SUGCT: variants seen among roughly 807,000 people sequenced by gnomAD.
The protein encoded by SUGCT is succinyl-CoA:glutarate CoA-transferase.
In SUGCT, 41 loss-of-function variants were observed where a neutral mutation model predicts 55.0. The ratio of observed to expected loss-of-function variants is 0.74; its 90% CI spans 0.58 to 0.97. The LOEUF (loss-of-function observed/expected upper bound fraction) is 0.97. SUGCT is among the 50% of genes least tolerant of loss of function. The pLI is 0.00. For missense variants in SUGCT, 568 were observed against 547.8 expected (o/e 1.04, Z -0.37); for synonymous variants, 187 against 200.4 (o/e 0.93, Z 0.56).
At chr7:40,143,092 C>T (rs904056752) in intron 1 of SUGCT, among the ~76,000 whole-genome samples, 5 of 152,078 alleles carry the variant, frequency 3.3e-5, no homozygotes, top group South Asian at 2.1e-4. Context: ...TGCTTTATGA[C>T]GTCTGGTTTT....
the SUGCT span, among the ~76,000 whole-genome samples, chr7:41,011,188 GAGGA>G: frequency 6.6e-6 from 1 of 152,146 alleles, no homozygotes; most frequent in African/African-American, 2.4e-5. Flanking sequence ...TCCCTCTGGA[GAGGA>G]AGGAAGTCCA....
At chr7:40,858,028 C>G (rs1257127423) in intron 13 of SUGCT, among the ~76,000 whole-genome samples, 1 of 152,092 alleles carries the variant, frequency 6.6e-6, no homozygotes, top group Non-Finnish European at 1.5e-5. Context: ...AACCTTAATC[C>G]TAACTTTAAC....
intron 12 of SUGCT, among the ~76,000 whole-genome samples, chr7:40,708,187 C>T (rs576671532): frequency 1.5e-4 from 23 of 152,228 alleles, no homozygotes; most frequent in Admixed American, 1.4e-3. Context: ...TCAGTACTAA[C>T]GTCAACATTG....
intron 11 of SUGCT, among the ~76,000 whole-genome samples, chr7:40,466,816 T>G (rs1281454055): frequency 6.6e-6 from 1 of 152,212 alleles, no homozygotes; most frequent in Non-Finnish European, 1.5e-5. Context: ...AAGATCTGAA[T>G]TTGAGATCCT....
chr7:40,517,222 T>C (rs1321518930), intron 12 of SUGCT, among the ~76,000 whole-genome samples: 1 of 147,882 alleles, frequency 6.8e-6, no homozygotes, highest in Admixed American at 6.6e-5. Flanking sequence ...TTAGTTCCAG[T>C]AGCATTTTTT....
At chr7:40,709,364 T>C (rs1785585819) in intron 12 of SUGCT, among the ~76,000 whole-genome samples, 1 of 152,178 alleles carries the variant, frequency 6.6e-6, no homozygotes, top group African/African-American at 2.4e-5. Flanking sequence ...GTGCACAGGA[T>C]TTAATGAGGG....
At chr7:40,739,167 T>C (rs1477142968) in intron 12 of SUGCT, among the ~76,000 whole-genome samples, 2 of 152,154 alleles carry the variant, frequency 1.3e-5, no homozygotes, top group African/African-American at 4.8e-5. Context: ...GACATTGATA[T>C]AGTCAAGATA....
At chr7:40,704,525 A>G (rs1785308126) in intron 12 of SUGCT, among the ~76,000 whole-genome samples, 2 of 152,118 alleles carry the variant, frequency 1.3e-5, no homozygotes, top group Admixed American at 6.5e-5. Context: ...ACATAGCATA[A>G]CATGGATTAT....
chr7:40,691,560 G>A (rs1362619058), intron 12 of SUGCT, among the ~76,000 whole-genome samples: 2 of 152,104 alleles, frequency 1.3e-5, no homozygotes, highest in African/African-American at 4.8e-5. Context: ...GTTTAATGGA[G>A]CCAAACCAAG....
At chr7:40,306,437 T>C (rs992661720) in intron 8 of SUGCT, among the ~76,000 whole-genome samples, 2 of 152,186 alleles carry the variant, frequency 1.3e-5, no homozygotes, top group African/African-American at 2.4e-5. Flanking sequence ...TTCTGAGAGA[T>C]GAAACTGTTT....
chr7:40,480,628 ATTTC>A (rs1272160912), intron 11 of SUGCT, among the ~76,000 whole-genome samples: 1 of 152,074 alleles, frequency 6.6e-6, no homozygotes, highest in Non-Finnish European at 1.5e-5. Context: ...TATTGATATT[ATTTC>A]TTCTAATCCA....
At chr7:40,152,928 A>C (rs1398127457) in intron 1 of SUGCT, 3 of 160,012 alleles carry the variant, frequency 1.9e-5, no homozygotes, top group Admixed American at 6.5e-5. Context: ...GCTGGTCTCG[A>C]ACTCCTGACC....
chr7:40,683,878 G>A (rs1012551977), intron 12 of SUGCT, among the ~76,000 whole-genome samples: 7 of 152,226 alleles, frequency 4.6e-5, no homozygotes, highest in African/African-American at 1.7e-4. Context: ...TAACAGTTTT[G>A]TAGGTCAGAA....
At chr7:40,389,082 A>G (rs781049790) in intron 9 of SUGCT, among the ~76,000 whole-genome samples, 47 of 152,194 alleles carry the variant, frequency 3.1e-4, no homozygotes, top group Non-Finnish European at 6.3e-4. Flanking sequence ...GTTTGTAAGC[A>G]CTAAAAAGAC....
At chr7:40,544,623 C>T (rs1349818832) in intron 12 of SUGCT, among the ~76,000 whole-genome samples, 3 of 152,162 alleles carry the variant, frequency 2.0e-5, no homozygotes, top group Non-Finnish European at 4.4e-5. Flanking sequence ...CCCTTGTGTA[C>T]CATGAAAGCT....
chr7:40,900,956 G>A, the SUGCT span, among the ~76,000 whole-genome samples: 2 of 152,182 alleles, frequency 1.3e-5, no homozygotes, highest in South Asian at 4.1e-4. Flanking sequence ...TCAGTCCAGG[G>A]ATTTGACACT....
intron 1 of SUGCT, among the ~76,000 whole-genome samples, chr7:40,155,967 C>G (rs960107294): frequency 1.3e-5 from 2 of 151,744 alleles, no homozygotes; most frequent in Non-Finnish European, 1.5e-5. Context: ...AAGCCATTCT[C>G]CTGCCTCAGC....
intron 9 of SUGCT, among the ~76,000 whole-genome samples, chr7:40,377,195 T>C (rs867627900): frequency 1.2e-3 from 10 of 8,002 alleles, no homozygotes; most frequent in Non-Finnish European, 4.5e-3. Context: ...TCTTTCTTTC[T>C]TTCTTTTCTT....
chr7:40,647,792 A>G (rs557891860), intron 12 of SUGCT, among the ~76,000 whole-genome samples: 1 of 152,036 alleles, frequency 6.6e-6, no homozygotes, highest in East Asian at 1.9e-4. Flanking sequence ...TGGAGATTGC[A>G]GTGAGCAGAG....
Sources: gnomAD v4.1 joint callset for allele counts (sites outside exome capture counted in the v4.1 genomes callset) on GRCh38, gnomAD v4.1.1 for gene constraint, MANE v1.5 for transcripts, NCBI Gene and HGNC (gene_info 2026-07-23, HGNC 2026-07-21) for gene names.